Variants in ADAMTS3 observed in about 807,000 individuals in gnomAD.
ADAMTS3 encodes the protein ADAM metallopeptidase with thrombospondin type 1 motif 3, also known as A disintegrin and metalloproteinase with thrombospondin motifs 3.
In ADAMTS3, 73 loss-of-function variants were observed where a neutral mutation model predicts 129.0. The observed-to-expected ratio is 0.57, with a 90% CI of 0.47 to 0.69. The LOEUF is 0.69. Ranked by LOEUF, ADAMTS3 falls within the 30% of genes least tolerant of loss-of-function variation. The pLI is 0.00. For synonymous variants in ADAMTS3, 477 were observed against 510.8 expected, an observed-to-expected ratio of 0.93 and a Z score of 0.89; for missense variants, 1,457 against 1,514.5, an observed-to-expected ratio of 0.96 and a Z score of 0.63.
chr4:72,383,412 G>A (rs1164761775), intron 4 of ADAMTS3, among the ~76,000 whole-genome samples: 3 of 152,198 alleles, frequency 2.0e-5, no homozygotes, highest in African/African-American at 7.2e-5. Context: ...AAATATGAAT[G>A]AGAACCAGGA....
At chr4:72,355,549 T>C (rs1343588209) in intron 4 of ADAMTS3, among the ~76,000 whole-genome samples, 2 of 152,044 alleles carry the variant, frequency 1.3e-5, no homozygotes, top group Admixed American at 6.6e-5. Flanking sequence ...TAAGTCTTAA[T>C]GGATTAGGGC....
intron 11 of ADAMTS3, among the ~76,000 whole-genome samples, chr4:72,315,649 A>G (rs1347907236): frequency 6.6e-6 from 1 of 152,166 alleles, no homozygotes; most frequent in African/African-American, 2.4e-5. Context: ...ATAAATATCC[A>G]TTGTTTCAAG....
chr4:72,521,218 G>A (rs189813691), intron 3 of ADAMTS3, among the ~76,000 whole-genome samples: 43 of 152,048 alleles, frequency 2.8e-4, no homozygotes, highest in African/African-American at 6.8e-4. Context: ...GGCTGGTCTC[G>A]AACTCCTGAC....
At chr4:72,494,142 TATTA>T (rs1417044527) in intron 3 of ADAMTS3, among the ~76,000 whole-genome samples, 1 of 152,162 alleles carries the variant, frequency 6.6e-6, no homozygotes, top group Non-Finnish European at 1.5e-5. Flanking sequence ...AGTTTTCAGA[TATTA>T]ATTCTTTAAA....
intron 2 of ADAMTS3, among the ~76,000 whole-genome samples, chr4:72,555,848 G>T (rs140847723): frequency 6.6e-6 from 1 of 151,590 alleles, no homozygotes; most frequent in African/African-American, 2.4e-5. Context: ...GTTTAAAGGT[G>T]TGTAGTACTT....
At chr4:72,555,233 G>C (rs1578792724) in intron 2 of ADAMTS3, among the ~76,000 whole-genome samples, 1 of 151,684 alleles carries the variant, frequency 6.6e-6, no homozygotes, top group Non-Finnish European at 1.5e-5. Flanking sequence ...AAAAACTTAG[G>C]TTTGGTATTT....
At chr4:72,549,801 C>T (rs1196932970) in intron 2 of ADAMTS3, among the ~76,000 whole-genome samples, 7 of 151,064 alleles carry the variant, frequency 4.6e-5, no homozygotes, top group Non-Finnish European at 7.4e-5. Flanking sequence ...CACTTAAACC[C>T]CTGGCTTAGC....
chr4:72,484,891 C>T (rs1719538760), intron 3 of ADAMTS3, among the ~76,000 whole-genome samples: 1 of 152,172 alleles, frequency 6.6e-6, no homozygotes, highest in South Asian at 2.1e-4. Context: ...AAACGACCCT[C>T]CCTTTCAATC....
At chr4:72,365,253 C>T (rs1333757902) in intron 4 of ADAMTS3, among the ~76,000 whole-genome samples, 2 of 152,164 alleles carry the variant, frequency 1.3e-5, no homozygotes, top group Admixed American at 6.5e-5. Flanking sequence ...GAGAAATGAG[C>T]AGACATTTCC....
At chr4:72,345,729 T>C (rs919377111) in intron 4 of ADAMTS3, among the ~76,000 whole-genome samples, 2 of 152,280 alleles carry the variant, frequency 1.3e-5, no homozygotes, top group Non-Finnish European at 1.5e-5. Flanking sequence ...TTTGCTTTTG[T>C]TTTTACTGAC....
At chr4:72,483,282 A>T (rs775625979) in intron 3 of ADAMTS3, among the ~76,000 whole-genome samples, 13 of 152,346 alleles carry the variant, frequency 8.5e-5, no homozygotes, top group Non-Finnish European at 1.3e-4. Context: ...CTACAAAGCC[A>T]CAGGATGCAA....
At chr4:72,428,967 T>C (rs1017150285) in intron 3 of ADAMTS3, among the ~76,000 whole-genome samples, 1 of 152,168 alleles carries the variant, frequency 6.6e-6, no homozygotes, top group Non-Finnish European at 1.5e-5. Flanking sequence ...TCGCAAACTT[T>C]AGTGTGCCAA....
intron 13 of ADAMTS3, 94 bp downstream of exon 13, chr4:72,312,197 C>T (rs1227240678): frequency 7.2e-7 from 1 of 1,394,938 alleles, no homozygotes; most frequent in Non-Finnish European, 1.0e-6. Flanking sequence ...TAAGTTACCA[C>T]ATAGGGATCA....
At position 72,308,462 on chromosome 4, in the gene ADAMTS3, A is replaced by G. The variant is rs563441569; in HGVS notation, c.2179+935T>C. On this transcript the variant is annotated intron_variant, in intron 15 of 21. Transcript: ENST00000286657. ...ACCCCAATGACAATTTACTTAACGT[A>G]AACCATATTTCTTTGTTTTTGTTTT... Among the ~76,000 whole-genome samples, 33 of 152,098 alleles carry G rather than the reference A, an allele frequency of 2.2e-4. 1 individual carries two copies. In the East Asian group the frequency reaches 5.6e-3, roughly 26 times the overall value.
chr4:72,286,078 T>C (rs978791851), intron 21 of ADAMTS3, among the ~76,000 whole-genome samples: 1 of 152,250 alleles, frequency 6.6e-6, no homozygotes, highest in African/African-American at 2.4e-5. Flanking sequence ...AAAAGGGATA[T>C]GAAATCACTA....
chr4:72,371,723 C>A (rs1193031858), intron 4 of ADAMTS3, among the ~76,000 whole-genome samples: 1 of 151,882 alleles, frequency 6.6e-6, no homozygotes, highest in Non-Finnish European at 1.5e-5. Flanking sequence ...CACTAAAGAA[C>A]AAACATTTTA....
chr4:72,382,253 G>T (rs1319708153), intron 4 of ADAMTS3, among the ~76,000 whole-genome samples: 1 of 150,432 alleles, frequency 6.6e-6, no homozygotes, highest in Non-Finnish European at 1.5e-5. Flanking sequence ...TATATCTAAT[G>T]ACTACATAGT....
intron 3 of ADAMTS3, among the ~76,000 whole-genome samples, chr4:72,537,134 A>G (rs562955569): frequency 6.6e-6 from 1 of 152,228 alleles, no homozygotes; most frequent in Non-Finnish European, 1.5e-5. Context: ...CTCTTAGCAC[A>G]GTAGCAGTTA....
chr4:72,483,917 C>T (rs1425690509), intron 3 of ADAMTS3, among the ~76,000 whole-genome samples: 1 of 152,064 alleles, frequency 6.6e-6, no homozygotes, highest in Non-Finnish European at 1.5e-5. Flanking sequence ...ACTCAGGAGG[C>T]TGAGGCAGGA....
Sources: allele counts gnomAD v4.1 joint callset (sites outside exome capture counted in the v4.1 genomes callset), GRCh38; gene constraint gnomAD v4.1.1; transcripts MANE v1.5; gene names NCBI Gene and HGNC (gene_info 2026-07-23, HGNC 2026-07-21).